Variants in FBXW4 observed in about 807,000 individuals in gnomAD.
FBXW4 encodes the protein F-box/WD repeat-containing protein 4.
FBXW4 carries 40 observed loss-of-function variants against 61.8 expected under a neutral mutation model. The ratio of observed to expected loss-of-function variants is 0.65; its 90% CI spans 0.50 to 0.84. The LOEUF is 0.84. FBXW4 is among the 40% of genes least tolerant of loss of function. The pLI, the probability that FBXW4 is intolerant of heterozygous loss-of-function variation, is 0.00. For synonymous variants in FBXW4, 311 were observed against 313.8 expected, an observed-to-expected ratio of 0.99 and a Z score of 0.10; for missense variants, 672 against 753.8, an observed-to-expected ratio of 0.89 and a Z score of 1.27.
At chr10:101,666,111 TGAG>T (rs1466773365) in intron 5 of FBXW4, among the ~76,000 whole-genome samples, 2 of 152,192 alleles carry the variant, frequency 1.3e-5, no homozygotes, top group African/African-American at 4.8e-5. Flanking sequence ...AGGAAGAAAC[TGAG>T]GAGGAGACAA....
chr10:101,653,298 C>T (rs1418048411), intron 5 of FBXW4, among the ~76,000 whole-genome samples: 1 of 152,216 alleles, frequency 6.6e-6, no homozygotes, highest in African/African-American at 2.4e-5. Context: ...TCCAAAGAAT[C>T]CTATATGCTG....
At chr10:101,640,777 A>G (rs1008714578) in intron 5 of FBXW4, among the ~76,000 whole-genome samples, 2 of 151,016 alleles carry the variant, frequency 1.3e-5, no homozygotes, top group African/African-American at 2.4e-5. Context: ...CGGCCTCCCA[A>G]AGTGTTGGGA....
chr10:101,690,798 A>G (rs968025411), intron 1 of FBXW4, among the ~76,000 whole-genome samples: 5 of 152,346 alleles, frequency 3.3e-5, no homozygotes, highest in Admixed American at 1.3e-4. Flanking sequence ...TTCCAAAAAC[A>G]TTCAGGACAG....
intron 5 of FBXW4, among the ~76,000 whole-genome samples, chr10:101,651,832 C>A (rs1266895580): frequency 6.6e-6 from 1 of 152,116 alleles, no homozygotes; most frequent in African/African-American, 2.4e-5. Context: ...AAACAAGGGA[C>A]AACAAGGAAA....
chr10:101,615,820 CAG>C (rs1035965466), intron 6 of FBXW4, among the ~76,000 whole-genome samples: 6 of 152,268 alleles, frequency 3.9e-5, no homozygotes, highest in South Asian at 2.1e-4. Flanking sequence ...GGACTGGGCA[CAG>C]GGGGCAGTCC....
chr10:101,659,511 C>A (rs1014057194), intron 5 of FBXW4: 8 of 783,500 alleles, frequency 1.0e-5, no homozygotes, highest in Non-Finnish European at 1.1e-5. Context: ...GAAAACTAAG[C>A]CCTCAGAGGT....
chr10:101,648,946 C>G (rs1356954744), intron 5 of FBXW4, among the ~76,000 whole-genome samples: 1 of 152,124 alleles, frequency 6.6e-6, no homozygotes, highest in East Asian at 1.9e-4. Flanking sequence ...CTCACTAGTC[C>G]ATCTCTCCCT....
At chr10:101,693,846 G>A (rs1191546457) in intron 1 of FBXW4, among the ~76,000 whole-genome samples, 2 of 152,152 alleles carry the variant, frequency 1.3e-5, no homozygotes, top group Non-Finnish European at 2.9e-5. Context: ...CTGCCTATAT[G>A]AAGTCATAAA....
intron 1 of FBXW4, among the ~76,000 whole-genome samples, chr10:101,681,718 A>AAATAATAATAATAATAAT (rs60453783): frequency 3.5e-5 from 5 of 143,406 alleles, no homozygotes; most frequent in East Asian, 2.1e-4. Flanking sequence ...CTCCGTCTCA[A>AAATAATAATAATAATAAT]AATAATAATA....
At chr10:101,653,740 A>G (rs2064162706) in intron 5 of FBXW4, among the ~76,000 whole-genome samples, 1 of 152,194 alleles carries the variant, frequency 6.6e-6, no homozygotes, top group Non-Finnish European at 1.5e-5. Flanking sequence ...ATTGCACTAT[A>G]AGCTCCTACA....
intron 5 of FBXW4, among the ~76,000 whole-genome samples, chr10:101,659,665 GA>G (rs1486896831): frequency 6.6e-6 from 1 of 152,190 alleles, no homozygotes; most frequent in East Asian, 1.9e-4. Flanking sequence ...TGTGTGAAAG[GA>G]AGCTCAGAAA....
Position 101,673,502 on chromosome 10 carries a change from A to T in FBXW4, c.993T>A (p.Ile331=). The T allele has an allele frequency of 6.2e-7, 1 of 1,613,996 alleles. No homozygotes were observed. The highest frequency in any genetic ancestry group is 1.7e-5 in the Admixed American group (1 of 60,016). ...ATAGCACTTACCCTCCTGCACTAAC[A>T]ATATGCGAGTTGGCCAGCACAAAGT... ...VCHFVLANSH[I]VSAGGDGKIG... Residue 331 remains isoleucine (I), a synonymous_variant, in exon 3 of 9, where the codon ATT becomes ATA. Transcript: ENST00000331272.
intron 6 of FBXW4, among the ~76,000 whole-genome samples, chr10:101,619,385 G>A (rs1314704566): frequency 6.6e-6 from 1 of 152,128 alleles, no homozygotes; most frequent in African/African-American, 2.4e-5. Context: ...AAGTCCAGGC[G>A]CAGTGGCTCA....
In FBXW4 at chr10:101,684,273, G is replaced by A. The variant is rs760414823; in HGVS notation, c.726-7837C>T. On this transcript the variant is annotated intron_variant, in intron 1 of 8. Coordinates refer to ENST00000331272, the MANE Select transcript of FBXW4 (RefSeq NM_022039.4). ...CAAGGAGCTGGGACTACAGGCGCCC[G>A]CCACCATGCCCGGCTACTTTATTTT... 5.3e-5 allele frequency among the ~76,000 whole-genome samples: 8 copies of A among 152,224 alleles called. 1 individual carries two copies. Among genetic ancestry groups the A allele is most frequent in the African/African-American group, 9.6e-5 (4 of 41,452 alleles).
At position 101,643,143 on chromosome 10, in the gene FBXW4, G is replaced by A. The variant is rs143535850; in HGVS notation, c.1236-18333C>T. ...AAAGCATGTGTCCGCCCAGGCCACTGATTCCTTTACTGCTGAGTCTCCACA... is the reference window on the plus strand; with the variant it reads ...AAAGCATGTGTCCGCCCAGGCCACTAATTCCTTTACTGCTGAGTCTCCACA... On this transcript the variant is annotated intron_variant, in intron 5 of 8. Coordinates refer to ENST00000331272, the MANE Select transcript of FBXW4 (RefSeq NM_022039.4). Among the ~76,000 whole-genome samples the A allele has an allele frequency of 3.4e-3, 511 of 152,358 alleles. 2 individuals are homozygous for A. Among genetic ancestry groups the A allele is most frequent in the Admixed American group, 7.7e-3 (118 of 15,310 alleles).
chr10:101,618,007 G>C (rs1255989424), intron 6 of FBXW4, among the ~76,000 whole-genome samples: 17 of 152,248 alleles, frequency 1.1e-4, no homozygotes, highest in Non-Finnish European at 1.5e-5. Flanking sequence ...TGCACAAGGT[G>C]GGGGCAGAGG....
Position 101,611,466 on chromosome 10 carries a change from C to T in FBXW4, c.1585-56G>A. ...GCTTTCCAAGTGGGACATGGGTGTG[C>T]CCTAACCCAGGATCCCCAGGCCCAG... On this transcript the variant is annotated intron_variant, in intron 8 of 8. Coordinates refer to ENST00000331272, the MANE Select transcript of FBXW4 (RefSeq NM_022039.4). This position sits in a 1 kb window ranked among gnomAD's most constrained non-coding sequence, Gnocchi z 4.9. 6.3e-7 allele frequency: 1 copy of T among 1,584,286 alleles called. No individual in the cohort carries two copies. The highest frequency in any genetic ancestry group is 8.6e-7 in the Non-Finnish European group (1 of 1,162,274).
At chr10:101,660,123 G>A (rs2064228271) in intron 5 of FBXW4, 1 of 985,300 alleles carries the variant, frequency 1.0e-6, no homozygotes, top group South Asian at 4.7e-5. Flanking sequence ...TGTGTCCCTT[G>A]AAGAGCTGAG....
intron 6 of FBXW4, chr10:101,622,895 T>A (rs1197116428): frequency 6.6e-6 from 1 of 151,760 alleles, no homozygotes; most frequent in Non-Finnish European, 1.5e-5. Flanking sequence ...AAAATGGAAA[T>A]GATACAGAGA....
Sources: allele counts gnomAD v4.1 joint callset (sites outside exome capture counted in the v4.1 genomes callset), GRCh38; gene constraint gnomAD v4.1.1; non-coding constraint Gnocchi (gnomAD v3.1); transcripts MANE v1.5; gene names NCBI Gene and HGNC (gene_info 2026-07-23, HGNC 2026-07-21).